The following ZNF423 variants were observed in gnomAD, a reference collection of about 807,000 sequenced individuals.
ZNF423 encodes Ebf-associated zinc finger protein.
A neutral mutation model predicts 95.8 loss-of-function variants in ZNF423; 12 were observed. The observed-to-expected ratio is 0.13, with a 90% CI of 0.08 to 0.20. ZNF423 has a LOEUF of 0.20. Among genes scored for constraint, ZNF423 ranks in the 10% least tolerant of loss-of-function variants. The probability of loss-of-function intolerance (pLI) is 1.00; values close to 1 mark genes in which losing one functional copy is unlikely to be tolerated. For synonymous variants in ZNF423, 749 were observed against 711.9 expected (o/e 1.05, Z -0.83); for missense variants, 1,316 against 1,737.1 (o/e 0.76, Z 4.31).
intron 3 of ZNF423, among the ~76,000 whole-genome samples, chr16:49,717,381 G>A (rs2032739573): frequency 6.6e-6 from 1 of 152,236 alleles, no homozygotes; most frequent in African/African-American, 2.4e-5. Flanking sequence ...AGGAGGTCAG[G>A]TCACCTGCTG....
intron 3 of ZNF423, among the ~76,000 whole-genome samples, chr16:49,677,243 GA>G (rs1567283822): frequency 5.3e-5 from 1 of 18,948 alleles, no homozygotes; most frequent in Non-Finnish European, 1.0e-4. Context: ...GAAGAGAAGA[GA>G]AGATAAGAGA....
intron 5 of ZNF423, among the ~76,000 whole-genome samples, chr16:49,563,337 T>G (rs1970078979): frequency 6.6e-6 from 1 of 152,172 alleles, no homozygotes; most frequent in East Asian, 1.9e-4. Context: ...ACATGCTAGC[T>G]CTCTTCCCTC....
chr16:49,538,108 C>T lies in ZNF423; in HGVS notation c.3602-12614G>A, dbSNP rs1404150019. ...CAGAGGCAGAGCTTACTGACAGCTC[C>T]TGACAGCCCCCACCAGGAGAGGCAG... On this transcript the variant is annotated intron_variant, in intron 5 of 7. Coordinates refer to ENST00000563137, the MANE Select transcript of ZNF423 (RefSeq NM_001379286.1). Among the ~76,000 whole-genome samples, 3 of 152,232 alleles carry T rather than the reference C, an allele frequency of 2.0e-5. No individual in the cohort carries two copies. The East Asian group carries it at 5.8e-4, about 29-fold the overall frequency.
intron 1 of ZNF423, among the ~76,000 whole-genome samples, chr16:49,794,508 G>A (rs537685207): frequency 9.9e-5 from 15 of 152,276 alleles, no homozygotes; most frequent in Admixed American, 3.9e-4. Context: ...CCCCACACAA[G>A]CTCTGTGCTG....
intron 5 of ZNF423, among the ~76,000 whole-genome samples, chr16:49,622,305 C>T (rs764818849): frequency 6.6e-6 from 1 of 152,246 alleles, no homozygotes; most frequent in South Asian, 2.1e-4. Flanking sequence ...AAACCCTAAC[C>T]CCTCCACTTG....
chr16:49,498,114 T>C (rs1480908456), intron 7 of ZNF423, among the ~76,000 whole-genome samples: 1 of 152,214 alleles, frequency 6.6e-6, no homozygotes, highest in Non-Finnish European at 1.5e-5. Context: ...GCACCGATCA[T>C]GATCGCTGCT....
chr16:49,683,635 C>T (rs568006263), intron 3 of ZNF423, among the ~76,000 whole-genome samples: 1 of 152,090 alleles, frequency 6.6e-6, no homozygotes, highest in African/African-American at 2.4e-5. Context: ...AAAAAGAAAC[C>T]GGGAGGAAGA....
At position 49,529,361 on chromosome 16, in the gene ZNF423, C is replaced by T. The variant is rs143425243; in HGVS notation, c.3602-3867G>A. On this transcript the variant is annotated intron_variant, in intron 5 of 7. Coordinates refer to ENST00000563137, the MANE Select transcript of ZNF423 (RefSeq NM_001379286.1). Reference sequence around the variant, plus strand: ...AACTCAAACTGCCAAACAAACAACCCGCCAAGCAGGAAAATCCCAAAGTCC... The same window carrying T: ...AACTCAAACTGCCAAACAAACAACCTGCCAAGCAGGAAAATCCCAAAGTCC... 2.6e-3 allele frequency among the ~76,000 whole-genome samples: 395 copies of T among 152,160 alleles called. 1 individual carries two copies. The highest frequency in any genetic ancestry group is 8.4e-3 in the African/African-American group (348 of 41,526).
chr16:49,538,405 G>A lies in ZNF423; in HGVS notation c.3602-12911C>T, dbSNP rs545149364. 3.3e-5 allele frequency among the ~76,000 whole-genome samples: 5 copies of A among 152,226 alleles called. No homozygotes were observed. In the South Asian group the frequency reaches 8.3e-4, roughly 25 times the overall value. On this transcript the variant is annotated intron_variant, in intron 5 of 7. Transcript: ENST00000563137. The stretch of plus-strand genomic sequence containing the variant: ...GACACCTTCATCAAAAAGCACATGC[G>A]ACAGACACCTGGCAATTCACCCTTT...
chr16:49,626,383 G>A, intron 4 of ZNF423, 129 bp from the exon 5 acceptor site: 2 of 730,668 alleles, frequency 2.7e-6, no homozygotes, highest in Non-Finnish European at 4.6e-6. Flanking sequence ...GTCTCCCCAG[G>A]CCATTCTCTT....
intron 7 of ZNF423, among the ~76,000 whole-genome samples, chr16:49,522,152 G>T (rs948764239): frequency 6.6e-6 from 1 of 152,194 alleles, no homozygotes. Flanking sequence ...GGAGGGTGCT[G>T]CTGGGTGTGT....
At chr16:49,816,030 T>G (rs1180127551) in intron 1 of ZNF423, among the ~76,000 whole-genome samples, 1 of 149,212 alleles carries the variant, frequency 6.7e-6, no homozygotes, top group African/African-American at 2.5e-5. Context: ...GCGATTCTCC[T>G]GCCTCAGCCT....
chr16:49,839,694 G>A (rs1260800126), intron 1 of ZNF423, among the ~76,000 whole-genome samples: 1 of 152,168 alleles, frequency 6.6e-6, no homozygotes, highest in East Asian at 1.9e-4. Context: ...AACAGAGCCG[G>A]GCCCCACCCA....
intron 2 of ZNF423, among the ~76,000 whole-genome samples, chr16:49,782,446 C>G (rs761073698): frequency 5.3e-5 from 8 of 152,240 alleles, no homozygotes; most frequent in Non-Finnish European, 8.8e-5. Flanking sequence ...TTAACCAGAG[C>G]AAGAAGACCT....
intron 5 of ZNF423, among the ~76,000 whole-genome samples, chr16:49,552,146 T>C (rs1385332518): frequency 6.6e-6 from 1 of 152,248 alleles, no homozygotes; most frequent in African/African-American, 2.4e-5. Context: ...TAACCCTCAC[T>C]GTCCCACGTG....
intron 3 of ZNF423, among the ~76,000 whole-genome samples, chr16:49,653,846 T>C (rs910654756): frequency 6.6e-6 from 1 of 152,204 alleles, no homozygotes; most frequent in African/African-American, 2.4e-5. Flanking sequence ...TACCTGTTTA[T>C]ATTTGAGTGG....
chr16:49,637,669 G>A lies in ZNF423; in HGVS notation c.1507C>T (p.Leu503=). Residue 503 remains leucine, a synonymous_variant, in exon 4 of 8, where the codon CTG becomes TTG. Transcript: ENST00000563137. This position sits in a 1 kb window ranked among gnomAD's most constrained non-coding sequence, Gnocchi z 5.6. ...CPEMFADINS[L]QEHIRVSHCG... Reference sequence around the variant, plus strand: ...TGGGAGACGCGGATGTGCTCCTGCAGGCTATTGATGTCGGCGAACATCTCG... The same window carrying A: ...TGGGAGACGCGGATGTGCTCCTGCAAGCTATTGATGTCGGCGAACATCTCG... The A allele has an allele frequency of 6.2e-7, 1 of 1,614,150 alleles. No individual in the cohort carries two copies. The highest frequency in any genetic ancestry group is 1.1e-5 in the South Asian group (1 of 91,086).
intron 3 of ZNF423, among the ~76,000 whole-genome samples, chr16:49,687,257 C>T (rs2031600971): frequency 6.6e-6 from 1 of 151,830 alleles, no homozygotes; most frequent in Admixed American, 6.6e-5. Flanking sequence ...ACACATTTTT[C>T]ACCATAAGGG....
At chr16:49,652,070 G>T (rs913145811) in intron 3 of ZNF423, among the ~76,000 whole-genome samples, 30 of 152,220 alleles carry the variant, frequency 2.0e-4, no homozygotes, top group Middle Eastern at 3.4e-3. Flanking sequence ...GAGAATCTAA[G>T]GTACTGGGAG....
Sources: gnomAD v4.1 joint callset for allele counts (sites outside exome capture counted in the v4.1 genomes callset) on GRCh38, gnomAD v4.1.1 for gene constraint, Gnocchi (gnomAD v3.1) non-coding constraint, MANE v1.5 for transcripts, NCBI Gene and HGNC (gene_info 2026-07-23, HGNC 2026-07-21) for gene names.